Variants in ABCC3 observed in about 807,000 individuals in gnomAD.
ABCC3 encodes ATP-binding cassette sub-family C member 3.
In ABCC3, 121 loss-of-function variants were observed where a neutral mutation model predicts 165.3. The observed-to-expected ratio is 0.73, with a 90% CI of 0.63 to 0.85. The LOEUF is 0.85. ABCC3 is among the 40% of genes least tolerant of loss of function. The pLI is 0.00. For synonymous variants in ABCC3, 733 were observed against 810.1 expected, an observed-to-expected ratio of 0.90 and a Z score of 1.62; for missense variants, 1,869 against 1,964.1, an observed-to-expected ratio of 0.95 and a Z score of 0.92.
At chr17:50,678,345 G>T in intron 25 of ABCC3, 126 bp downstream of exon 25, 1 of 1,004,704 alleles carries the variant, frequency 1.0e-6, no homozygotes, top group East Asian at 3.0e-5. Context: ...TGTTCTCAAG[G>T]ACTGTGAGAA....
chr17:50,667,942 TG>T lies in ABCC3; in HGVS notation c.1716del (p.Ser573ProfsTer6). ...GACGCCGAGAAGGCCTTTGTGTCTG[TG>T]TCCTTGTTTAATATCTTAAGACTTC... is the stretch of plus-strand genomic sequence containing the variant. ...VLDAEKAFVSVSLFNILRLPL... is the reference protein window; with the variant it reads ...VLDAEKAFVSXSLFNILRLPL... On this transcript the variant is annotated frameshift_variant, in exon 13 of 31. Coordinates refer to ENST00000285238, the MANE Select transcript of ABCC3 (RefSeq NM_003786.4). LOFTEE classifies it high-confidence loss of function. 6.2e-7 allele frequency: 1 copy of T among 1,614,196 alleles called. No homozygotes were observed. The highest frequency in any genetic ancestry group is 8.5e-7 in the Non-Finnish European group (1 of 1,180,028).
At chr17:50,673,996 C>CTT (rs1967735272) in intron 19 of ABCC3, among the ~76,000 whole-genome samples, 1 of 13,364 alleles carries the variant, frequency 7.5e-5, no homozygotes, top group Non-Finnish European at 1.3e-4. Flanking sequence ...CTCTCTCTCT[C>CTT]TCTCTCTCTC....
intron 26 of ABCC3, among the ~76,000 whole-genome samples, chr17:50,681,154 T>C (rs1418460955): frequency 1.3e-5 from 2 of 152,038 alleles, no homozygotes; most frequent in African/African-American, 4.8e-5. Flanking sequence ...ATGTTCCTGC[T>C]TTGCTTCCCC....
Position 50,691,296 on chromosome 17 carries a change from CT to C in ABCC3, c.*97del. The C allele has an allele frequency of 1.1e-6, 1 of 933,286 alleles. No homozygotes were observed. The highest frequency in any genetic ancestry group is 1.7e-6 in the Non-Finnish European group (1 of 586,952). The allele number at this position is 933,286 out of a possible 1,614,324, so 57.8% of individuals were successfully genotyped here. A position where few individuals can be genotyped will look rare whatever the true frequency, so the allele number is the denominator to read the frequency against. ...CGCAGAATGGACTTGATAGCAAACA[CT>C]GGGGGCACCTTAAGATTTTGCACCT... On this transcript the variant is annotated 3_prime_UTR_variant, in exon 31 of 31. Transcript: ENST00000285238.
At chr17:50,648,307 G>T (rs1967043550) in intron 1 of ABCC3, among the ~76,000 whole-genome samples, 1 of 152,154 alleles carries the variant, frequency 6.6e-6, no homozygotes, top group Non-Finnish European at 1.5e-5. Context: ...AAAAGCTCGG[G>T]GATTGGAGGG....
rs1486575719 is a variant in ABCC3 at position 50,675,464 on chromosome 17, A to C, written c.2702A>C (p.Lys901Thr). 6.2e-7 allele frequency: 1 copy of C among 1,613,542 alleles called. No homozygotes were observed. Among genetic ancestry groups the C allele is most frequent in the Admixed American group, 1.7e-5 (1 of 59,944 alleles). Residue 901 changes from lysine to threonine, a missense_variant, in exon 20 of 31, where the codon AAG becomes ACG. Transcript: ENST00000285238. ...DNDPVTYVVQ[K>T]QFMRQLSALS... The stretch of plus-strand genomic sequence containing the variant: ...GATCCAGTCACCTATGTGGTCCAGA[A>C]GCAGTTTATGAGGTGAGTTCCTGAG...
At chr17:50,642,853 G>A (rs1026915190) in intron 1 of ABCC3, among the ~76,000 whole-genome samples, 1 of 152,228 alleles carries the variant, frequency 6.6e-6, no homozygotes, top group African/African-American at 2.4e-5. Context: ...TCCCTTGTGA[G>A]TCAATGGCCC....
Position 50,683,259 on chromosome 17 carries a change from A to C in ABCC3, c.3808-351A>C, listed in dbSNP as rs143139366. Among the ~76,000 whole-genome samples, 296 of 151,604 alleles carry C rather than the reference A, an allele frequency of 2.0e-3. 2 individuals carry two copies. Among genetic ancestry groups the C allele is most frequent in the Middle Eastern group, 0.017 (5 of 294 alleles). ...GGTGGCATGTGCCTGTTGTAGTCCT[A>C]GCTACTAGGGAGGCTGAGGGAGGAG... On this transcript the variant is annotated intron_variant, in intron 26 of 30. Coordinates refer to ENST00000285238, the MANE Select transcript of ABCC3 (RefSeq NM_003786.4).
chr17:50,645,298 C>A (rs544485905), intron 1 of ABCC3, among the ~76,000 whole-genome samples: 2 of 144,058 alleles, frequency 1.4e-5, no homozygotes, highest in African/African-American at 5.2e-5. Context: ...CACTTGAACA[C>A]GGGAGGCAGA....
chr17:50,682,346 A>T (rs868513279), intron 26 of ABCC3, among the ~76,000 whole-genome samples: 559 of 14,566 alleles, frequency 0.038, 7 homozygotes, highest in African/African-American at 0.17. Flanking sequence ...CAAGAGATTT[A>T]AAAAAAAAAA....
At chr17:50,650,327 G>A (rs988089120) in intron 1 of ABCC3, among the ~76,000 whole-genome samples, 5 of 152,078 alleles carry the variant, frequency 3.3e-5, no homozygotes, top group African/African-American at 4.8e-5. Context: ...GGCTGGGCTC[G>A]AACTCCTGAC....
intron 1 of ABCC3, 99 bp downstream of exon 1, chr17:50,635,080 CG>C: frequency 8.3e-7 from 1 of 1,205,268 alleles, no homozygotes; most frequent in Non-Finnish European, 1.0e-6. Flanking sequence ...GCAGGTATCC[CG>C]GGACGGAGCC....
At chr17:50,649,105 C>G (rs1967061036) in intron 1 of ABCC3, among the ~76,000 whole-genome samples, 2 of 137,002 alleles carry the variant, frequency 1.5e-5, no homozygotes, top group African/African-American at 5.2e-5. Context: ...GAGGGAGACT[C>G]CATCTCAAAA....
rs1271862790 is a variant in ABCC3 at position 50,667,455 on chromosome 17, T to G, written c.1432-99T>G. On this transcript the variant is annotated intron_variant, in intron 11 of 30. Coordinates refer to ENST00000285238, the MANE Select transcript of ABCC3 (RefSeq NM_003786.4). ...AGAAGGAATGGTGGGCAGCGTGGAA[T>G]GGCTGCAATGGATGAGAATGGATGG... 39 of 1,087,066 alleles carry G rather than the reference T, an allele frequency of 3.6e-5. No individual in the cohort carries two copies. In the Middle Eastern group the frequency reaches 9.0e-4, roughly 25 times the overall value. The allele number at this position is 1,087,066 out of a possible 1,614,324, so 67.3% of individuals were successfully genotyped here.
chr17:50,677,134 G>A (rs929455353), intron 23 of ABCC3, among the ~76,000 whole-genome samples: 6 of 152,144 alleles, frequency 3.9e-5, no homozygotes, highest in Non-Finnish European at 2.9e-5. Context: ...CGCCCACCTC[G>A]GCCTCCCAAA....
chr17:50,668,956 G>A (rs199797585), intron 15 of ABCC3, 37 bp downstream of exon 15: 54 of 1,609,826 alleles, frequency 3.4e-5, no homozygotes, highest in Admixed American at 1.0e-4. Flanking sequence ...AGCTGCCCAC[G>A]GTGGGCTGGA....
At chr17:50,673,299 C>A (rs1265115776) in intron 18 of ABCC3, 161 bp downstream of exon 18, 11 of 1,225,970 alleles carry the variant, frequency 9.0e-6, no homozygotes, top group Non-Finnish European at 1.2e-5. Flanking sequence ...GACAACTCCC[C>A]CACCTGCGAG....
intron 8 of ABCC3, among the ~76,000 whole-genome samples, chr17:50,662,792 T>G (rs1167949246): frequency 1.3e-5 from 2 of 152,026 alleles, no homozygotes; most frequent in African/African-American, 4.8e-5. Flanking sequence ...GAGACACAAC[T>G]TAAGCTATCA....
At chr17:50,658,928 G>C (rs733393) in intron 6 of ABCC3, among the ~76,000 whole-genome samples, 41,678 of 152,124 alleles carry the variant, frequency 0.27, 5,959 homozygotes, top group South Asian at 0.44. Flanking sequence ...GGGCCAAATT[G>C]CCCAGGCCTC....
Sources: gnomAD v4.1 joint callset for allele counts (sites outside exome capture counted in the v4.1 genomes callset) on GRCh38, gnomAD v4.1.1 for gene constraint, MANE v1.5 for transcripts, NCBI Gene and HGNC (gene_info 2026-07-23, HGNC 2026-07-21) for gene names.